The following PDLIM1 variants were observed in gnomAD, a reference collection of about 807,000 sequenced individuals.
PDLIM1 encodes the protein PDZ and LIM domain protein 1.
Under a neutral mutation model 35.2 loss-of-function variants are expected in PDLIM1, and 25 were observed. The ratio of observed to expected loss-of-function variants is 0.71; its 90% CI spans 0.52 to 0.99. PDLIM1 has a LOEUF of 0.99. Among genes scored for constraint, PDLIM1 ranks in the 50% least tolerant of loss-of-function variants. PDLIM1 has a pLI of 0.00. For synonymous variants in PDLIM1, 152 were observed against 154.0 expected, an observed-to-expected ratio of 0.99 and a Z score of 0.10; for missense variants, 363 against 415.3, an observed-to-expected ratio of 0.87 and a Z score of 1.09.
chr10:95,287,930 G>A (rs542220862), intron 1 of PDLIM1, among the ~76,000 whole-genome samples: 109 of 147,664 alleles, frequency 7.4e-4, no homozygotes, highest in South Asian at 2.2e-3. Context: ...ACACACACAC[G>A]TGTTCTGTAT....
intron 1 of PDLIM1, among the ~76,000 whole-genome samples, chr10:95,286,183 C>T (rs2035600338): frequency 6.6e-6 from 1 of 152,088 alleles, no homozygotes; most frequent in Admixed American, 6.6e-5. Context: ...ATGGCGAAAC[C>T]CCATCTCTAC....
Position 95,271,830 on chromosome 10 carries a change from C to A in PDLIM1, c.97-46G>T, listed in dbSNP as rs575546951. The A allele has an allele frequency of 4.4e-6, 7 of 1,587,820 alleles. No individual in the cohort carries two copies. The African/African-American group carries it at 5.4e-5, about 12-fold the overall frequency. On this transcript the variant is annotated intron_variant, in intron 1 of 6. Coordinates refer to ENST00000329399, the MANE Select transcript of PDLIM1 (RefSeq NM_020992.4). ...AGGCTAGTTACTATTTGTCTCCAAA[C>A]CACTAAGTTACCACCAAGTTAAGTA...
chr10:95,284,487 G>A (rs2035585784), intron 1 of PDLIM1, among the ~76,000 whole-genome samples: 1 of 151,974 alleles, frequency 6.6e-6, no homozygotes, highest in Non-Finnish European at 1.5e-5. Context: ...TTGAGTAGCT[G>A]GAACTACAGG....
intron 3 of PDLIM1, among the ~76,000 whole-genome samples, chr10:95,268,574 C>A (rs2099648745): frequency 6.6e-6 from 1 of 152,222 alleles, no homozygotes; most frequent in African/African-American, 2.4e-5. Flanking sequence ...CAGGACACAG[C>A]GTCACTGCCC....
Position 95,247,363 on chromosome 10 carries a change from T to A in PDLIM1, c.537A>T (p.Leu179Phe), listed in dbSNP as rs777571755. ...ASGVEANSRP[L>F]DHAQPPSSLV... ...GGCTGCTTGGAGGCTGAGCATGGTC[T>A]AAGCTGTAAAGAATGTTTGAAAAAT... Residue 179 changes from leucine (L) to phenylalanine (F), a missense_variant, in exon 5 of 7, where the codon TTA becomes TTT. Physicochemically the swap from Leu to Phe is conservative, Grantham distance 22 (BLOSUM62 0). Transcript: ENST00000329399. The A allele has an allele frequency of 2.5e-6, 4 of 1,608,922 alleles. No individual in the cohort carries two copies. In the South Asian group the frequency reaches 4.5e-5, roughly 18 times the overall value.
chr10:95,289,190 T>C (rs574260346), intron 1 of PDLIM1, among the ~76,000 whole-genome samples: 15 of 152,350 alleles, frequency 9.8e-5, no homozygotes, highest in African/African-American at 3.4e-4. Flanking sequence ...AGGTTAATTA[T>C]AGACACAAAG....
intron 5 of PDLIM1, among the ~76,000 whole-genome samples, chr10:95,241,410 G>A (rs78064568): frequency 0.081 from 12,316 of 152,098 alleles, 618 homozygotes; most frequent in Middle Eastern, 0.27. Flanking sequence ...CAATTACCCC[G>A]CCCCTCTCTT....
chr10:95,282,198 G>A (rs2035566803), intron 1 of PDLIM1, among the ~76,000 whole-genome samples: 2 of 152,218 alleles, frequency 1.3e-5, no homozygotes, highest in South Asian at 4.1e-4. Flanking sequence ...AAATTTAACA[G>A]ATTCTAAACT....
At chr10:95,266,301 AAAT>A (rs2035416618) in intron 3 of PDLIM1, among the ~76,000 whole-genome samples, 1 of 152,346 alleles carries the variant, frequency 6.6e-6, no homozygotes, top group Non-Finnish European at 1.5e-5. Flanking sequence ...CTACCCAAAT[AAAT>A]AATATATAGT....
intron 1 of PDLIM1, among the ~76,000 whole-genome samples, chr10:95,275,866 T>C (rs2035506695): frequency 6.6e-6 from 1 of 151,982 alleles, no homozygotes; most frequent in African/African-American, 2.4e-5. Context: ...GGTCTGGTCA[T>C]CCTATCTTTC....
chr10:95,270,584 C>T (rs1437629014), intron 2 of PDLIM1, among the ~76,000 whole-genome samples: 1 of 152,134 alleles, frequency 6.6e-6, no homozygotes, highest in Non-Finnish European at 1.5e-5. Flanking sequence ...TTACAGCTCC[C>T]AAGGTGCTAC....
intron 1 of PDLIM1, among the ~76,000 whole-genome samples, chr10:95,289,757 C>A (rs1482937283): frequency 6.6e-6 from 1 of 152,234 alleles, no homozygotes; most frequent in African/African-American, 2.4e-5. Context: ...GCAGCTTCAG[C>A]AGGCAGATGA....
intron 4 of PDLIM1, among the ~76,000 whole-genome samples, chr10:95,257,420 G>T (rs1055147484): frequency 5.9e-5 from 9 of 151,590 alleles, no homozygotes; most frequent in Non-Finnish European, 1.3e-4. Context: ...CAAAACATAC[G>T]TATAATTAAT....
chr10:95,242,773 G>A (rs546820658), intron 5 of PDLIM1, among the ~76,000 whole-genome samples: 45 of 152,242 alleles, frequency 3.0e-4, no homozygotes, highest in African/African-American at 1.1e-3. Flanking sequence ...GGGCCTGGGT[G>A]GGCATCTTCT....
In PDLIM1 at chr10:95,237,841, C is replaced by A; in HGVS notation, c.*84G>T. Reference sequence around the variant, plus strand: ...AGGGAAAACCAAAGTAAGCAGAGAACTTTCAAGAGAGGAGAGGGCCAGAAC... The same window carrying A: ...AGGGAAAACCAAAGTAAGCAGAGAAATTTCAAGAGAGGAGAGGGCCAGAAC... On this transcript the variant is annotated 3_prime_UTR_variant, in exon 7 of 7. Coordinates refer to ENST00000329399, the MANE Select transcript of PDLIM1 (RefSeq NM_020992.4). The A allele has an allele frequency of 8.1e-7, 1 of 1,228,230 alleles. No homozygotes were observed. 76.1% of individuals were successfully genotyped at this position (1,228,230 alleles called of 1,614,324 possible). A position where few individuals can be genotyped will look rare whatever the true frequency, so the allele number is the denominator to read the frequency against.
chr10:95,249,380 T>G (rs2035248917), intron 4 of PDLIM1, among the ~76,000 whole-genome samples: 1 of 152,160 alleles, frequency 6.6e-6, no homozygotes, highest in African/African-American at 2.4e-5. Flanking sequence ...AAATATCAGA[T>G]GGTGGGGCAA....
chr10:95,256,674 C>T (rs2035312949), intron 4 of PDLIM1, among the ~76,000 whole-genome samples: 1 of 152,068 alleles, frequency 6.6e-6, no homozygotes, highest in African/African-American at 2.4e-5. Context: ...CCTAACACCA[C>T]ATAAAAAAAT....
At chr10:95,289,950 G>C (rs1287789763) in intron 1 of PDLIM1, among the ~76,000 whole-genome samples, 1 of 152,244 alleles carries the variant, frequency 6.6e-6, no homozygotes, top group Non-Finnish European at 1.5e-5. Flanking sequence ...AATGGCCAAA[G>C]CCCAGACCTC....
chr10:95,246,377 A>T (rs2035221798), intron 5 of PDLIM1, among the ~76,000 whole-genome samples: 1 of 152,248 alleles, frequency 6.6e-6, no homozygotes, highest in Non-Finnish European at 1.5e-5. Context: ...CTGTCCACTT[A>T]AACATGATCA....
Sources: allele counts gnomAD v4.1 joint callset (sites outside exome capture counted in the v4.1 genomes callset), GRCh38; gene constraint gnomAD v4.1.1; transcripts MANE v1.5; gene names NCBI Gene and HGNC (gene_info 2026-07-23, HGNC 2026-07-21).